Variants in COL5A1 observed in about 807,000 individuals in gnomAD.
COL5A1 encodes collagen alpha-1(V) chain.
Under a neutral mutation model 263.7 loss-of-function variants are expected in COL5A1, and 16 were observed. That is an observed-to-expected ratio of 0.06 (90% CI 0.04 to 0.09). The LOEUF (loss-of-function observed/expected upper bound fraction) is 0.09, where lower values mean the gene tolerates loss of function less well. Ranked by LOEUF, COL5A1 falls within the 10% of genes least tolerant of loss-of-function variation. The pLI is 1.00. For synonymous variants in COL5A1, 1,012 were observed against 1,004.5 expected, an observed-to-expected ratio of 1.01 and a Z score of -0.14; for missense variants, 2,036 against 2,540.5, an observed-to-expected ratio of 0.80 and a Z score of 4.27.
At chr9:134,822,941 C>T (rs1449404904) in intron 59 of COL5A1, 57 bp from the exon 60 acceptor site, 102 of 1,606,366 alleles carry the variant, frequency 6.3e-5, no homozygotes, top group East Asian at 1.1e-4. Context: ...ACATGGAGCA[C>T]GGTGGGGCTG....
chr9:134,803,138 C>T (rs545152288), intron 39 of COL5A1, 143 bp downstream of exon 39: 19 of 761,868 alleles, frequency 2.5e-5, no homozygotes, highest in Middle Eastern at 2.2e-4. Context: ...CCAGACCGCA[C>T]GTTTTGCTCA....
intron 4 of COL5A1, among the ~76,000 whole-genome samples, chr9:134,712,071 T>TCCCCCCTCCTTCCTTC (rs1834069259): frequency 2.3e-5 from 1 of 44,190 alleles, no homozygotes; most frequent in African/African-American, 8.5e-5. Flanking sequence ...CTCCTTCCTG[T>TCCCCCCTCCTTCCTTC]ACCCCTCCTT....
At position 134,802,871 on chromosome 9, in the gene COL5A1, A is replaced by G. The variant is rs1838163078; in HGVS notation, c.3007-17A>G. The G allele has an allele frequency of 7.5e-6, 12 of 1,592,626 alleles. No homozygotes were observed. The highest frequency in any genetic ancestry group is 1.0e-5 in the Non-Finnish European group (12 of 1,162,690). ...GTCACTCGAAACGTCTGTGGCTGAC[A>G]CTGATTTTCCCCACAGGGTCCCACG... is the stretch of plus-strand genomic sequence containing the variant. On this transcript the variant is annotated splice_polypyrimidine_tract_variant and intron_variant, in intron 38 of 65. Transcript: ENST00000371817.
At chr9:134,648,902 C>G (rs114571278) in intron 1 of COL5A1, among the ~76,000 whole-genome samples, 64 of 152,312 alleles carry the variant, frequency 4.2e-4, no homozygotes, top group African/African-American at 1.4e-3. Flanking sequence ...AAGTTCAGCC[C>G]GCAGAGTGGC....
intron 26 of COL5A1, 94 bp from the exon 27 acceptor site, chr9:134,774,765 C>T (rs1007304512): frequency 1.6e-5 from 21 of 1,309,240 alleles, no homozygotes; most frequent in South Asian, 5.0e-5. Context: ...CTGCTCTCAG[C>T]AGGAGGGGTA....
At chr9:134,654,425 G>GTT (rs1831839276) in intron 1 of COL5A1, among the ~76,000 whole-genome samples, 1 of 128,668 alleles carries the variant, frequency 7.8e-6, no homozygotes, top group African/African-American at 3.0e-5. Flanking sequence ...GGCTGGAGGT[G>GTT]TGTAGGGCTG....
Position 134,755,417 on chromosome 9 carries a change from G to A in COL5A1, c.1827+1091G>A, listed in dbSNP as rs1224697662. ...GCCAGCTGCAGAGTTGCATGGTGTC[G>A]GGGCCATGCATATGCGTGTGTTTTA... On this transcript the variant is annotated intron_variant, in intron 16 of 65. Coordinates refer to ENST00000371817, the MANE Select transcript of COL5A1 (RefSeq NM_000093.5). The surrounding 1 kb of genome is among the most constrained non-coding windows in gnomAD (Gnocchi z 4.1). Among the ~76,000 whole-genome samples the A allele has an allele frequency of 6.6e-6, 1 of 152,162 alleles. No homozygotes were observed. Among genetic ancestry groups the A allele is most frequent in the Non-Finnish European group, 1.5e-5 (1 of 68,032 alleles).
chr9:134,819,286 C>T lies in COL5A1; in HGVS notation c.4446+233C>T, dbSNP rs1458285255. Among the ~76,000 whole-genome samples the T allele has an allele frequency of 3.3e-5, 5 of 152,274 alleles. No individual in the cohort carries two copies. The East Asian group carries it at 7.7e-4, about 23-fold the overall frequency. On this transcript the variant is annotated intron_variant, in intron 57 of 65. Coordinates refer to ENST00000371817, the MANE Select transcript of COL5A1 (RefSeq NM_000093.5). ...GCTCGGGAGATCCCGGAGGCCCCTG[C>T]GGTATTGACGGAGAACCTTCCAGCT...
At chr9:134,688,979 C>T (rs979901991) in intron 1 of COL5A1, among the ~76,000 whole-genome samples, 18 of 148,848 alleles carry the variant, frequency 1.2e-4, no homozygotes, top group African/African-American at 4.9e-5. Context: ...CTGGTCATGG[C>T]GGGGGTGGGG....
intron 65 of COL5A1, among the ~76,000 whole-genome samples, chr9:134,839,444 C>A (rs1476005043): frequency 6.6e-6 from 1 of 152,202 alleles, no homozygotes; most frequent in Non-Finnish European, 1.5e-5. Context: ...GCTGCCCGTC[C>A]CTCTGGGGAG....
At chr9:134,788,783 G>C (rs1323324006) in intron 31 of COL5A1, among the ~76,000 whole-genome samples, 1 of 150,752 alleles carries the variant, frequency 6.6e-6, no homozygotes, top group Non-Finnish European at 1.5e-5. Flanking sequence ...ACAGGTGGAT[G>C]GTGGATGGGT....
At chr9:134,811,727 C>T (rs1564475222) in intron 46 of COL5A1, 128 bp downstream of exon 46, 1 of 780,054 alleles carries the variant, frequency 1.3e-6, no homozygotes, top group East Asian at 2.7e-5. Flanking sequence ...GCCTCCTGGG[C>T]CTCCTCATTC....
rs1836012047 is a variant in COL5A1, at chr9:134,757,233, G to A, written c.1881+415G>A. 6.6e-6 allele frequency among the ~76,000 whole-genome samples: 1 copy of A among 152,142 alleles called. No individual in the cohort carries two copies. Among genetic ancestry groups the A allele is most frequent in the African/African-American group, 2.4e-5 (1 of 41,416 alleles). ...CGTGGCTAAAGGCAGGGCTGTGTGTGTGGCATGAATGAGGCTGCACCAGGC... is the reference window on the plus strand; with the variant it reads ...CGTGGCTAAAGGCAGGGCTGTGTGTATGGCATGAATGAGGCTGCACCAGGC... On this transcript the variant is annotated intron_variant, in intron 17 of 65. Transcript: ENST00000371817. The surrounding 1 kb of genome is among the most constrained non-coding windows in gnomAD (Gnocchi z 6.2).
At chr9:134,799,790 T>TATGC (rs1346295140) in intron 37 of COL5A1, among the ~76,000 whole-genome samples, 2 of 152,266 alleles carry the variant, frequency 1.3e-5, no homozygotes, top group Admixed American at 1.3e-4. Context: ...CTTCTGAGCT[T>TATGC]TGCATATTTT....
At chr9:134,676,978 G>A (rs973235012) in intron 1 of COL5A1, among the ~76,000 whole-genome samples, 2 of 152,200 alleles carry the variant, frequency 1.3e-5, no homozygotes, top group Admixed American at 6.5e-5. Flanking sequence ...CTTCCCTAAA[G>A]GAGCTCACGG....
intron 21 of COL5A1, 95 bp from the exon 22 acceptor site, chr9:134,766,359 G>T: frequency 8.2e-7 from 1 of 1,216,206 alleles, no homozygotes; most frequent in Non-Finnish European, 1.2e-6. Context: ...GTCGTGGGAT[G>T]GGCGTCTGAG....
At chr9:134,694,945 C>T (rs1833407945) in intron 2 of COL5A1, among the ~76,000 whole-genome samples, 1 of 152,278 alleles carries the variant, frequency 6.6e-6, no homozygotes, top group African/African-American at 2.4e-5. Flanking sequence ...GGATGGTGTG[C>T]TCCCTGCCTT....
intron 1 of COL5A1, among the ~76,000 whole-genome samples, chr9:134,654,886 A>T (rs1588407344): frequency 2.5e-5 from 2 of 78,838 alleles, no homozygotes; most frequent in Admixed American, 3.5e-4. Flanking sequence ...GGGGGTGTGT[A>T]GGGCTGGGGG....
chr9:134,643,728 A>T (rs1218001032), intron 1 of COL5A1, among the ~76,000 whole-genome samples: 1 of 152,130 alleles, frequency 6.6e-6, no homozygotes, highest in Non-Finnish European at 1.5e-5. Context: ...AGAAAAGTGG[A>T]GAGGAGAAGG....
Sources: gnomAD v4.1 joint callset for allele counts (sites outside exome capture counted in the v4.1 genomes callset) on GRCh38, gnomAD v4.1.1 for gene constraint, Gnocchi (gnomAD v3.1) non-coding constraint, MANE v1.5 for transcripts, NCBI Gene and HGNC (gene_info 2026-07-23, HGNC 2026-07-21) for gene names.